The following NSFL1C variants were observed in gnomAD, a reference collection of about 807,000 sequenced individuals.
The protein encoded by NSFL1C is NSFL1 cofactor p47.
A neutral mutation model predicts 43.1 loss-of-function variants in NSFL1C; 14 were observed. The ratio of observed to expected loss-of-function variants is 0.32; its 90% confidence interval spans 0.21 to 0.51. The LOEUF (loss-of-function observed/expected upper bound fraction) is 0.51, where lower values mean the gene tolerates loss of function less well. Ranked by LOEUF, NSFL1C falls within the 20% of genes least tolerant of loss-of-function variation. The pLI, the probability that NSFL1C is intolerant of heterozygous loss-of-function variation, is 0.98. For missense variants in NSFL1C, 406 were observed against 472.5 expected, an observed-to-expected ratio of 0.86 and a Z score of 1.30; for synonymous variants, 171 against 183.5, an observed-to-expected ratio of 0.93 and a Z score of 0.55.
At position 1,450,042 on chromosome 20, in the gene NSFL1C, T is replaced by A. The variant is rs78566816; in HGVS notation, c.785+2451A>T. Among the ~76,000 whole-genome samples, 113 of 152,268 alleles carry A rather than the reference T, an allele frequency of 7.4e-4. 6 individuals carry two copies. The East Asian group carries it at 0.013, about 18-fold the overall frequency. ...CCTTTTACTAAAACAACAAAAAAAA[T>A]TTAATACAACTGAATTTTCTCAAAA... is the stretch of plus-strand genomic sequence containing the variant. On this transcript the variant is annotated intron_variant, in intron 7 of 8. Coordinates refer to ENST00000216879, the MANE Select transcript of NSFL1C (RefSeq NM_016143.5).
intron 2 of NSFL1C, among the ~76,000 whole-genome samples, chr20:1,459,999 T>C (rs769950218): frequency 6.6e-6 from 1 of 152,224 alleles, no homozygotes; most frequent in Non-Finnish European, 1.5e-5. Flanking sequence ...CCAAAACTCA[T>C]ACACCCAGAC....
intron 2 of NSFL1C, among the ~76,000 whole-genome samples, chr20:1,460,401 C>T (rs1006748103): frequency 6.6e-6 from 1 of 152,178 alleles, no homozygotes; most frequent in Non-Finnish European, 1.5e-5. Context: ...GTAATTCCGA[C>T]ATATATTCAA....
At chr20:1,445,962 A>T (rs2090050930) in intron 7 of NSFL1C, 132 bp from the exon 8 acceptor site, 1 of 990,316 alleles carries the variant, frequency 1.0e-6, no homozygotes. Context: ...CTATTGACCC[A>T]GACAGGGAAA....
chr20:1,448,753 G>A (rs1298377411), intron 7 of NSFL1C, among the ~76,000 whole-genome samples: 1 of 152,206 alleles, frequency 6.6e-6, no homozygotes. Context: ...TACAGATGAA[G>A]AAACTGAGGC....
rs924609537 is a variant in NSFL1C at position 1,445,732 on chromosome 20, G to A, written c.884C>T (p.Thr295Ile). The change falls in exon 8 of 9, where the codon ACC becomes ATC. Residue 295 changes from threonine to isoleucine, a missense_variant. Physicochemically the swap from Thr to Ile is moderately conservative, Grantham distance 89. Transcript: ENST00000216879. ...SSILIDESEP[T>I]TNIQIRLADG... is the part of the protein sequence containing the mutation. ...TGCAAGCCGAATTTGGATGTTTGTGGTAGGCTCTGATTCGTCGATTAAGAT... is the reference window on the plus strand; with the variant it reads ...TGCAAGCCGAATTTGGATGTTTGTGATAGGCTCTGATTCGTCGATTAAGAT... 13 of 1,613,948 alleles carry A rather than the reference G, an allele frequency of 8.1e-6. No homozygotes were observed. Among genetic ancestry groups the A allele is most frequent in the South Asian group, 2.2e-5 (2 of 91,074 alleles).
intron 2 of NSFL1C, chr20:1,463,186 T>G (rs2090449310): frequency 6.6e-6 from 1 of 152,202 alleles, no homozygotes; most frequent in South Asian, 2.1e-4. Flanking sequence ...GGAGTAAACA[T>G]GTAACTGGCA....
intron 1 of NSFL1C, among the ~76,000 whole-genome samples, chr20:1,465,931 G>C (rs952617436): frequency 2.0e-5 from 3 of 152,210 alleles, no homozygotes; most frequent in Admixed American, 2.0e-4. Flanking sequence ...AAAGCAGTCA[G>C]AACAGCGCTT....
At chr20:1,454,015 A>G (rs989062050) in intron 5 of NSFL1C, among the ~76,000 whole-genome samples, 198 bp downstream of exon 5, 1 of 152,162 alleles carries the variant, frequency 6.6e-6, no homozygotes, top group African/African-American at 2.4e-5. Flanking sequence ...TGTTCTCACC[A>G]GCTCTCTCAC....
chr20:1,452,567 G>T lies in NSFL1C; in HGVS notation c.711C>A (p.Asp237Glu). The stretch of plus-strand genomic sequence containing the variant: ...GCTTCACAAAGTCCTCGTCCCGATG[G>T]TCCTCCATATCCAAGTTCACCTGTC... ...HGGQVNLDME[D>E]HRDEDFVKPK... The change falls in exon 7 of 9, where the codon GAC becomes GAA. Residue 237 changes from aspartate to glutamate, a missense_variant. Physicochemically the swap from Asp to Glu is conservative, Grantham distance 45 (BLOSUM62 2). Coordinates refer to ENST00000216879, the MANE Select transcript of NSFL1C (RefSeq NM_016143.5). The T allele has an allele frequency of 6.2e-7, 1 of 1,614,146 alleles. No individual in the cohort carries two copies.
At chr20:1,445,959 C>A (rs2090050809) in intron 7 of NSFL1C, 129 bp from the exon 8 acceptor site, 2 of 1,008,220 alleles carry the variant, frequency 2.0e-6, no homozygotes, top group Non-Finnish European at 3.0e-6. Context: ...GATCTATTGA[C>A]CCAGACAGGG....
rs1212797015 is a variant in NSFL1C at position 1,466,791 on chromosome 20, A to T, written c.34T>A (p.Phe12Ile). 2 of 1,560,234 alleles carry T rather than the reference A, an allele frequency of 1.3e-6. No homozygotes were observed. Among genetic ancestry groups the T allele is most frequent in the Admixed American group, 1.8e-5 (1 of 55,008 alleles). ...TCCTCGGCGCCCGTCACCGCCACGAACTCCCTCAGCGCCTCCTGTCGCTCC... is the reference window on the plus strand; with the variant it reads ...TCCTCGGCGCCCGTCACCGCCACGATCTCCCTCAGCGCCTCCTGTCGCTCC... ...AAERQEALRE[F>I]VAVTGAEEDR... Residue 12 changes from phenylalanine to isoleucine, a missense_variant, in exon 1 of 9, where the codon TTC becomes ATC. Coordinates refer to ENST00000216879, the MANE Select transcript of NSFL1C (RefSeq NM_016143.5).
At position 1,460,490 on chromosome 20, in the gene NSFL1C, T is replaced by C. The variant is rs1437069549; in HGVS notation, c.204-2216A>G. ...CCTAGGGATATTAGCAATTGCACAA[T>C]ACTTTTGTCCTATGGTCTCTACAAA... is the stretch of plus-strand genomic sequence containing the variant. On this transcript the variant is annotated intron_variant, in intron 2 of 8. Transcript: ENST00000216879. Among the ~76,000 whole-genome samples the C allele has an allele frequency of 2.6e-5, 4 of 152,344 alleles. No individual in the cohort carries two copies. The East Asian group carries it at 7.7e-4, about 29-fold the overall frequency.
chr20:1,449,495 T>A (rs901425113), intron 7 of NSFL1C, among the ~76,000 whole-genome samples: 1 of 152,156 alleles, frequency 6.6e-6, no homozygotes, highest in African/African-American at 2.4e-5. Context: ...GCTCTAATCA[T>A]CCCGCAGGGC....
chr20:1,452,402 A>C (rs982688956), intron 7 of NSFL1C, 91 bp downstream of exon 7: 1 of 1,484,744 alleles, frequency 6.7e-7, no homozygotes, highest in Non-Finnish European at 9.1e-7. Context: ...AACAGTAAAG[A>C]GCTAATAACC....
At chr20:1,462,614 C>T (rs545443241) in intron 2 of NSFL1C, among the ~76,000 whole-genome samples, 8 of 152,104 alleles carry the variant, frequency 5.3e-5, no homozygotes, top group South Asian at 4.2e-4. Flanking sequence ...CTCCGCCCCC[C>T]GGGTTCACGC....
intron 4 of NSFL1C, 99 bp from the exon 5 acceptor site, chr20:1,454,404 AG>A (rs1244940372): frequency 1.2e-6 from 1 of 841,742 alleles, no homozygotes; most frequent in Non-Finnish European, 1.9e-6. Context: ...AGGAAGAAAG[AG>A]GACAGGGTTC....
chr20:1,449,849 G>A (rs1199740098), intron 7 of NSFL1C, among the ~76,000 whole-genome samples: 1 of 152,054 alleles, frequency 6.6e-6, no homozygotes, highest in Non-Finnish European at 1.5e-5. Context: ...CAGAAGGCAC[G>A]GGAGCAGCTA....
chr20:1,456,549 G>A (rs974970107), intron 3 of NSFL1C: 16 of 152,190 alleles, frequency 1.1e-4, no homozygotes, highest in South Asian at 4.1e-4. Context: ...CCTTAGGAAT[G>A]TCTGACAGAC....
chr20:1,466,263 G>A (rs1190854338), intron 1 of NSFL1C, among the ~76,000 whole-genome samples: 1 of 152,196 alleles, frequency 6.6e-6, no homozygotes, highest in Non-Finnish European at 1.5e-5. Context: ...CACCCCAGAG[G>A]TATTCTCCCA....
Sources: allele counts gnomAD v4.1 joint callset (sites outside exome capture counted in the v4.1 genomes callset), GRCh38; gene constraint gnomAD v4.1.1; transcripts MANE v1.5; gene names NCBI Gene and HGNC (gene_info 2026-07-23, HGNC 2026-07-21).